EPHA6: variants seen among roughly 807,000 people sequenced by gnomAD.
EPHA6 encodes the protein EPH receptor A6.
A neutral mutation model predicts 112.0 loss-of-function variants in EPHA6; 50 were observed. The observed-to-expected ratio is 0.45, with a 90% confidence interval of 0.36 to 0.56. The LOEUF (loss-of-function observed/expected upper bound fraction) is 0.56. Among genes scored for constraint, EPHA6 ranks in the 20% least tolerant of loss-of-function variants. The pLI is 0.00. For missense variants in EPHA6, 1,280 were observed against 1,417.4 expected, an observed-to-expected ratio of 0.90 and a Z score of 1.56; for synonymous variants, 529 against 490.7, an observed-to-expected ratio of 1.08 and a Z score of -1.03.
intron 6 of EPHA6, among the ~76,000 whole-genome samples, chr3:97,427,745 A>G (rs1396422452): frequency 6.6e-6 from 1 of 152,152 alleles, no homozygotes; most frequent in Non-Finnish European, 1.5e-5. Flanking sequence ...ATTAAAAAAA[A>G]CAACAAAACC....
At chr3:97,719,465 A>C (rs1403700637) in intron 14 of EPHA6, among the ~76,000 whole-genome samples, 8 of 152,146 alleles carry the variant, frequency 5.3e-5, no homozygotes, top group Admixed American at 5.2e-4. Context: ...AAAATTGTAA[A>C]TCAAATGGAT....
intron 5 of EPHA6, among the ~76,000 whole-genome samples, chr3:97,353,593 A>G (rs1395709937): frequency 3.3e-5 from 5 of 152,092 alleles, no homozygotes; most frequent in East Asian, 1.9e-4. Context: ...TTGGGTGCCA[A>G]TGTAGCTGAA....
At chr3:97,720,557 A>C in intron 15 of EPHA6, 147 bp downstream of exon 15, 1 of 626,188 alleles carries the variant, frequency 1.6e-6, no homozygotes, top group Non-Finnish European at 2.5e-6. Flanking sequence ...GAAGCTGAGT[A>C]ACCTTTCACT....
chr3:97,720,519 A>T (rs1005388005), intron 15 of EPHA6, 109 bp downstream of exon 15: 11 of 978,508 alleles, frequency 1.1e-5, no homozygotes, highest in Non-Finnish European at 1.6e-5. Flanking sequence ...CTTCCTGAGA[A>T]CTTCTCATGG....
intron 7 of EPHA6, among the ~76,000 whole-genome samples, chr3:97,470,552 G>T (rs2091197473): frequency 6.6e-6 from 1 of 151,648 alleles, no homozygotes; most frequent in Non-Finnish European, 1.5e-5. Context: ...AAAATCATAT[G>T]CCTCCATAGA....
At chr3:97,689,917 CATA>C (rs2032541697) in intron 14 of EPHA6, among the ~76,000 whole-genome samples, 1 of 152,190 alleles carries the variant, frequency 6.6e-6, no homozygotes, top group African/African-American at 2.4e-5. Context: ...TTTCGCTAAG[CATA>C]ATGTTTTCAA....
intron 5 of EPHA6, among the ~76,000 whole-genome samples, chr3:97,389,430 G>A (rs958105734): frequency 6.6e-6 from 1 of 151,930 alleles, no homozygotes; most frequent in African/African-American, 2.4e-5. Context: ...CTTGAATGTT[G>A]GAGTTAGATG....
chr3:97,154,022 C>T (rs1390458624), intron 3 of EPHA6, among the ~76,000 whole-genome samples: 1 of 151,636 alleles, frequency 6.6e-6, no homozygotes, highest in Non-Finnish European at 1.5e-5. Flanking sequence ...AAAATTAGCC[C>T]AGTGTGGTGG....
chr3:97,702,129 TG>T (rs2033428172), intron 14 of EPHA6, among the ~76,000 whole-genome samples: 1 of 152,204 alleles, frequency 6.6e-6, no homozygotes, highest in South Asian at 2.1e-4. Context: ...AAAATATGAT[TG>T]TAGTACAAAT....
At chr3:97,319,667 C>CAAAAAAAAAAAAAAAAA (rs1340197693) in intron 5 of EPHA6, among the ~76,000 whole-genome samples, 1 of 54,774 alleles carries the variant, frequency 1.8e-5, no homozygotes, top group African/African-American at 6.2e-5. Flanking sequence ...GAGATTGTCT[C>CAAAAAAAAAAAAAAAAA]AAAAAAAAAA....
At chr3:97,592,337 A>G (rs1034248013) in intron 11 of EPHA6, among the ~76,000 whole-genome samples, 2 of 152,220 alleles carry the variant, frequency 1.3e-5, no homozygotes, top group Admixed American at 1.3e-4. Flanking sequence ...TATTCCATGC[A>G]CAGCTTTATG....
chr3:96,944,086 C>T (rs2041124597), intron 2 of EPHA6, among the ~76,000 whole-genome samples: 1 of 152,128 alleles, frequency 6.6e-6, no homozygotes, highest in Non-Finnish European at 1.5e-5. Flanking sequence ...TATGTTGTCT[C>T]AGTTAACTCT....
At chr3:97,357,647 C>T (rs1291158213) in intron 5 of EPHA6, among the ~76,000 whole-genome samples, 3 of 152,040 alleles carry the variant, frequency 2.0e-5, no homozygotes, top group African/African-American at 7.2e-5. Context: ...GGGCACTAAC[C>T]CCCCATGCAG....
chr3:97,098,675 A>G (rs2047316771), intron 3 of EPHA6, among the ~76,000 whole-genome samples: 1 of 151,894 alleles, frequency 6.6e-6, no homozygotes, highest in Non-Finnish European at 1.5e-5. Flanking sequence ...AGAAGTCAGT[A>G]AAGTGGAAAA....
rs1487265302 is a variant in EPHA6, at chr3:97,750,247, C to T, written c.*1546C>T. Among the ~76,000 whole-genome samples the T allele has an allele frequency of 6.6e-6, 1 of 151,122 alleles. No individual in the cohort carries two copies. Among genetic ancestry groups the T allele is most frequent in the Non-Finnish European group, 1.5e-5 (1 of 67,892 alleles). On this transcript the variant is annotated 3_prime_UTR_variant, in exon 18 of 18. Coordinates refer to ENST00000389672, the MANE Select transcript of EPHA6 (RefSeq NM_001080448.3). ...GATCTCAGTGATAATGGTGCCCTAC[C>T]TACCCTAATTCTCAAATTCCTATCT...
chr3:97,581,919 T>C (rs146563391), intron 11 of EPHA6, among the ~76,000 whole-genome samples: 1 of 152,374 alleles, frequency 6.6e-6, no homozygotes, highest in African/African-American at 2.4e-5. Context: ...TTCTTTGTGC[T>C]AGAAGGAGTG....
chr3:97,333,627 C>G (rs1259300324), intron 5 of EPHA6, among the ~76,000 whole-genome samples: 5 of 151,670 alleles, frequency 3.3e-5, no homozygotes, highest in Non-Finnish European at 7.4e-5. Context: ...CACACACCAC[C>G]ACACACAGCT....
intron 5 of EPHA6, among the ~76,000 whole-genome samples, chr3:97,271,060 T>G (rs922696137): frequency 6.6e-6 from 1 of 152,270 alleles, no homozygotes; most frequent in Admixed American, 6.5e-5. Context: ...CCTGTGACAA[T>G]TAGAGGGTAA....
intron 5 of EPHA6, among the ~76,000 whole-genome samples, chr3:97,353,311 G>A (rs926071080): frequency 2.6e-5 from 4 of 151,604 alleles, no homozygotes; most frequent in Non-Finnish European, 4.4e-5. Flanking sequence ...ACACCAGCTC[G>A]GCCACAGTGG....
Sources: allele counts gnomAD v4.1 joint callset (sites outside exome capture counted in the v4.1 genomes callset), GRCh38; gene constraint gnomAD v4.1.1; transcripts MANE v1.5; gene names NCBI Gene and HGNC (gene_info 2026-07-23, HGNC 2026-07-21).